The following TRIM51 variants were observed in gnomAD, a reference collection of about 807,000 sequenced individuals.
TRIM51 encodes tripartite motif-containing protein 51.
TRIM51 carries 23 observed loss-of-function variants against 32.7 expected under a neutral mutation model. The ratio of observed to expected loss-of-function variants is 0.70; its 90% CI spans 0.51 to 1.00. The LOEUF is 1.00. Ranked by LOEUF, TRIM51 falls within the 50% of genes least tolerant of loss-of-function variation. The probability of loss-of-function intolerance (pLI) is 0.00; values close to 1 mark genes in which losing one functional copy is unlikely to be tolerated. For synonymous variants in TRIM51, 177 were observed against 181.9 expected (o/e 0.97, Z 0.22); for missense variants, 592 against 539.2 (o/e 1.10, Z -0.97).
Position 55,889,954 on chromosome 11 carries a change from G to A in TRIM51, c.774G>A (p.Leu258=). ...FGDILHRYES[L]LLQVSEPVNP... ...TTTCCCCTTGCAGGTATGAGTCTCT[G>A]CTGCTGCAAGTGTCTGAGCCTGTGA... Residue 258 remains leucine, a synonymous_variant, in exon 6 of 7, where the codon CTG becomes CTA. Transcript: ENST00000449290. The A allele has an allele frequency of 1.2e-6, 2 of 1,612,932 alleles. No homozygotes were observed. Among genetic ancestry groups the A allele is most frequent in the Non-Finnish European group, 1.7e-6 (2 of 1,179,340 alleles).
intron 3 of TRIM51, 63 bp from the exon 4 acceptor site, chr11:55,887,969 G>A (rs1854598331): frequency 1.7e-6 from 2 of 1,178,322 alleles, no homozygotes; most frequent in African/African-American, 3.0e-5. Flanking sequence ...ATGCTAAGAG[G>A]AATCAGTGAA....
At position 55,890,070 on chromosome 11, in the gene TRIM51, C is replaced by G. The variant is rs111365947; in HGVS notation, c.859+31C>G. The stretch of plus-strand genomic sequence containing the variant: ...TGTCAGCCCATTGGCAGAATTCCCA[C>G]AGTCTATTACTTCTTGTTAGAATCA... On this transcript the variant is annotated intron_variant, in intron 6 of 6. Coordinates refer to ENST00000449290, the MANE Select transcript of TRIM51 (RefSeq NM_032681.4). 8.3e-6 allele frequency: 12 copies of G among 1,448,176 alleles called. No individual in the cohort carries two copies. In the African/African-American group the frequency reaches 9.8e-5, roughly 12 times the overall value. 89.7% of individuals were successfully genotyped at this position (1,448,176 alleles called of 1,614,324 possible).
At chr11:55,891,075 AG>A (rs1854641539) in intron 6 of TRIM51, 57 bp from the exon 7 acceptor site, 1 of 1,376,772 alleles carries the variant, frequency 7.3e-7, no homozygotes, top group Non-Finnish European at 9.7e-7. Context: ...ATTTCCCTCA[AG>A]AATTCTAATT....
chr11:55,891,303 G>T lies in TRIM51; in HGVS notation c.1030G>T (p.Glu344Ter). 1 of 1,611,328 alleles carries T rather than the reference G, an allele frequency of 6.2e-7. No homozygotes were observed. Among genetic ancestry groups the T allele is most frequent in the Non-Finnish European group, 8.5e-7 (1 of 1,179,732 alleles). The part of the protein sequence containing the change: ...QAFTSGKYYW[E>*]VHMGDSWNWA... ...TTTCACATCTGGCAAATATTATTGG[G>T]AGGTTCATATGGGGGACTCTTGGAA... Residue 344 changes from glutamate to a stop codon, truncating the protein, a stop_gained, in exon 7 of 7, where the codon GAG becomes TAG. Transcript: ENST00000449290. LOFTEE classifies it low-confidence loss of function (END_TRUNC).
Position 55,891,356 on chromosome 11 carries a change from T to G in TRIM51, c.1083T>G (p.Tyr361Ter). 6.2e-7 allele frequency: 1 copy of G among 1,612,144 alleles called. No individual in the cohort carries two copies. The highest frequency in any genetic ancestry group is 8.5e-7 in the Non-Finnish European group (1 of 1,179,744). ...GGGCTTTTGGTGTCTGTAACAATTA[T>G]TGGAAAGAGAAGAGACAGAATGACA... ...WNWAFGVCNN[Y>*]WKEKRQNDKI... The change falls in exon 7 of 7, where the codon TAT (tyrosine) becomes TAG (stop). Residue 361 changes from tyrosine (Y) to a stop codon, truncating the protein, a stop_gained. Coordinates refer to ENST00000449290, the MANE Select transcript of TRIM51 (RefSeq NM_032681.4). LOFTEE classifies it low-confidence loss of function (END_TRUNC).
intron 2 of TRIM51, 83 bp downstream of exon 2, chr11:55,885,922 C>A (rs2134534685): frequency 1.9e-6 from 3 of 1,598,006 alleles, no homozygotes; most frequent in East Asian, 2.3e-5. Context: ...TTGGATGATG[C>A]CATCTCTGTG....
Position 55,891,274 on chromosome 11 carries a change from A to G in TRIM51, c.1001A>G (p.Gln334Arg), listed in dbSNP as rs61897550. The change falls in exon 7 of 7, where the codon CAG becomes CGG. Residue 334 changes from glutamine (Q) to arginine (R), a missense_variant. Gln to Arg is a conservative substitution (Grantham distance 43, BLOSUM62 1). Transcript: ENST00000449290. ...GAATGTTTTCTTGTATGGGGGGCTC[A>G]GGCTTTCACATCTGGCAAATATTAT... ...KSECFLVWGA[Q>R]AFTSGKYYWE... is the part of the protein sequence containing the mutation. The G allele has an allele frequency of 1.2e-6, 2 of 1,609,848 alleles. No homozygotes were observed. Among genetic ancestry groups the G allele is most frequent in the Non-Finnish European group, 1.7e-6 (2 of 1,179,732 alleles).
chr11:55,885,982 A>G (rs1473084853), intron 2 of TRIM51, 141 bp from the exon 3 acceptor site: 5 of 1,488,606 alleles, frequency 3.4e-6, no homozygotes, highest in African/African-American at 2.8e-5. Flanking sequence ...CACCTCTCAG[A>G]TTTGACAAAC....
chr11:55,885,384 A>G, intron 1 of TRIM51, 41 bp from the exon 2 acceptor site: 2 of 1,610,070 alleles, frequency 1.2e-6, no homozygotes, highest in South Asian at 2.2e-5. Context: ...GATTTTCACC[A>G]ACCCAGACCC....
intron 1 of TRIM51, among the ~76,000 whole-genome samples, chr11:55,884,157 C>CTCTATATATATA (rs1554987842): frequency 2.6e-4 from 16 of 61,558 alleles, no homozygotes; most frequent in African/African-American, 7.3e-4. Flanking sequence ...ATAACTATAA[C>CTCTATATATATA]TATATATATA....
Position 55,891,379 on chromosome 11 carries a change from A to G in TRIM51, c.1106A>G (p.Asp369Gly), listed in dbSNP as rs948564098. ...TATTGGAAAGAGAAGAGACAGAATG[A>G]CAAGATAGATGGAGAGGAGGGACTC... is the stretch of plus-strand genomic sequence containing the variant. ...NNYWKEKRQN[D>G]KIDGEEGLFL... is the part of the protein sequence containing the mutation. Residue 369 changes from aspartate to glycine, a missense_variant, in exon 7 of 7, where the codon GAC (aspartate) becomes GGC (glycine). Coordinates refer to ENST00000449290, the MANE Select transcript of TRIM51 (RefSeq NM_032681.4). The G allele has an allele frequency of 5.0e-6, 8 of 1,612,114 alleles. No homozygotes were observed. The highest frequency in any genetic ancestry group is 6.8e-6 in the Non-Finnish European group (8 of 1,179,750).
Position 55,888,155 on chromosome 11 carries a change from C to A in TRIM51, c.631C>A (p.Gln211Lys). 6.2e-7 allele frequency: 1 copy of A among 1,613,652 alleles called. No homozygotes were observed. The highest frequency in any genetic ancestry group is 8.5e-7 in the Non-Finnish European group (1 of 1,179,644). ...LRKEGEDIFQ[Q>K]LNESKARMEH... ...AAAGGAGGGCGAGGACATTTTTCAG[C>A]AACTCAATGAAAGCAAAGCCAGAAT... The change falls in exon 4 of 7, where the codon CAA (glutamine) becomes AAA (lysine). Residue 211 changes from glutamine to lysine, a missense_variant. By Grantham distance (53) the Gln-to-Lys change is moderately conservative. Transcript: ENST00000449290.
At position 55,885,565 on chromosome 11, in the gene TRIM51, C is replaced by T. The variant is rs1459339906; in HGVS notation, c.137C>T (p.Thr46Met). Reference sequence around the variant, plus strand: ...TGTTTGTACCTCAACTGGCAAGACACGGCAGTTCTTGCTCAGTGCTCTGAA... The same window carrying T: ...TGTTTGTACCTCAACTGGCAAGACATGGCAGTTCTTGCTCAGTGCTCTGAA... ...RPCLYLNWQD[T>M]AVLAQCSECK... The change falls in exon 2 of 7, where the codon ACG becomes ATG. Residue 46 changes from threonine to methionine, a missense_variant. By Grantham distance (81) the Thr-to-Met change is moderately conservative. Transcript: ENST00000449290. The T allele has an allele frequency of 1.9e-6, 3 of 1,611,962 alleles. No homozygotes were observed. The highest frequency in any genetic ancestry group is 1.1e-5 in the South Asian group (1 of 90,994).
chr11:55,889,796 T>C (rs1172396263), intron 5 of TRIM51, 146 bp from the exon 6 acceptor site: 2 of 638,148 alleles, frequency 3.1e-6, no homozygotes, highest in African/African-American at 1.8e-5. Context: ...TGAATAAGAA[T>C]GGATTTGAAA....
chr11:55,885,640 A>C lies in TRIM51; in HGVS notation c.212A>C (p.Lys71Thr). ...AACCTCAACACTGACATTTGTTTGA[A>C]GAACATGGCTTTCATTGCCAGAAAA... is the stretch of plus-strand genomic sequence containing the variant. ...QRNLNTDICL[K>T]NMAFIARKAS... is the part of the protein sequence containing the mutation. Residue 71 changes from lysine to threonine, a missense_variant, in exon 2 of 7, where the codon AAG becomes ACG. By Grantham distance (78) the Lys-to-Thr change is moderately conservative (BLOSUM62 -1). Transcript: ENST00000449290. 1 of 1,610,840 alleles carries C rather than the reference A, an allele frequency of 6.2e-7. No individual in the cohort carries two copies.
rs760218152 is a variant in TRIM51, at chr11:55,885,754, G to A, written c.326G>A (p.Ser109Asn). Reference sequence around the variant, plus strand: ...AAGATGTTCTGTGAAGTGGACAAGAGCCTGCTCTGTTTGCCGTGCTCCAAC... The same window carrying A: ...AAGATGTTCTGTGAAGTGGACAAGAACCTGCTCTGTTTGCCGTGCTCCAAC... Reference protein sequence around the residue: ...TKKMFCEVDKSLLCLPCSNSQ... With the variant: ...TKKMFCEVDKNLLCLPCSNSQ... Residue 109 changes from serine to asparagine, a missense_variant, in exon 2 of 7, where the codon AGC (serine) becomes AAC (asparagine). Ser to Asn is a conservative substitution (Grantham distance 46, BLOSUM62 1). Transcript: ENST00000449290. 14 of 1,611,656 alleles carry A rather than the reference G, an allele frequency of 8.7e-6. No individual in the cohort carries two copies. The highest frequency in any genetic ancestry group is 1.2e-5 in the Non-Finnish European group (14 of 1,179,736).
chr11:55,885,810 C>G lies in TRIM51; in HGVS notation c.382C>G (p.Pro128Ala). The change falls in exon 2 of 7, where the codon CCC becomes GCC. Residue 128 changes from proline to alanine, a missense_variant. Transcript: ENST00000449290. The stretch of plus-strand genomic sequence containing the variant: ...GGAGCACCGGAATCACATACACTGT[C>G]CCATTGAGTGGGCTGCTGAGGAACG... ...SQEHRNHIHCPIEWAAEERRE... is the reference protein window; with the variant it reads ...SQEHRNHIHCAIEWAAEERRE... The G allele has an allele frequency of 6.2e-7, 1 of 1,611,774 alleles. No homozygotes were observed.
Position 55,885,636 on chromosome 11 carries a change from T to G in TRIM51, c.208T>G (p.Leu70Val). 1 of 1,610,792 alleles carries G rather than the reference T, an allele frequency of 6.2e-7. No individual in the cohort carries two copies. The highest frequency in any genetic ancestry group is 8.5e-7 in the Non-Finnish European group (1 of 1,179,216). ...GAGAAACCTCAACACTGACATTTGT[T>G]TGAAGAACATGGCTTTCATTGCCAG... The part of the protein sequence containing the change: ...RQRNLNTDIC[L>V]KNMAFIARKA... The change falls in exon 2 of 7, where the codon TTG (leucine) becomes GTG (valine). Residue 70 changes from leucine to valine, a missense_variant. Coordinates refer to ENST00000449290, the MANE Select transcript of TRIM51 (RefSeq NM_032681.4).
chr11:55,886,648 G>A (rs1251870630), intron 3 of TRIM51, among the ~76,000 whole-genome samples: 1 of 152,140 alleles, frequency 6.6e-6, no homozygotes, highest in Non-Finnish European at 1.5e-5. Flanking sequence ...CAGGCAGAAG[G>A]AGCAAGAGCA....
Sources: gnomAD v4.1 joint callset for allele counts (sites outside exome capture counted in the v4.1 genomes callset) on GRCh38, gnomAD v4.1.1 for gene constraint, MANE v1.5 for transcripts, NCBI Gene and HGNC (gene_info 2026-07-23, HGNC 2026-07-21) for gene names.